The following NAB2 variants were observed in gnomAD, a reference collection of about 807,000 sequenced individuals.
NAB2 encodes the protein NGFI-A-binding protein 2.
Under a neutral mutation model 44.2 loss-of-function variants are expected in NAB2, and 9 were observed. That is an observed-to-expected ratio of 0.20 (90% CI 0.12 to 0.36). The LOEUF (loss-of-function observed/expected upper bound fraction) is 0.36, where lower values mean the gene tolerates loss of function less well. NAB2 is among the 10% of genes least tolerant of loss of function. NAB2 has a pLI of 1.00. For synonymous variants in NAB2, 342 were observed against 291.0 expected (o/e 1.18, Z -1.78); for missense variants, 514 against 709.0 (o/e 0.73, Z 3.12).
chr12:57,090,070 G>A (rs1369596696), intron 1 of NAB2, among the ~76,000 whole-genome samples: 1 of 152,236 alleles, frequency 6.6e-6, no homozygotes. Context: ...CTGAGCTGAA[G>A]GAAAAGGCTG....
At chr12:57,094,578 C>T (rs1029175198) in intron 6 of NAB2, 34 bp from the exon 7 acceptor site, 3 of 1,498,818 alleles carry the variant, frequency 2.0e-6, no homozygotes, top group African/African-American at 1.4e-5. Context: ...GCCAGTCACC[C>T]TGCAGTCTCC....
In NAB2 at chr12:57,091,081, G is replaced by A; in HGVS notation, c.84-44G>A. 1.4e-6 allele frequency: 2 copies of A among 1,461,258 alleles called. No homozygotes were observed. Among genetic ancestry groups the A allele is most frequent in the Non-Finnish European group, 9.2e-7 (1 of 1,090,556 alleles). The allele number at this position is 1,461,258 out of a possible 1,614,324, so 90.5% of individuals were successfully genotyped here. ...TTAGTGTGGGTTGGTACCCAGTAGG[G>A]GGACTTGCACCGACTGCCTCTCTCT... On this transcript the variant is annotated intron_variant, in intron 1 of 6. Coordinates refer to ENST00000300131, the MANE Select transcript of NAB2 (RefSeq NM_005967.4). The surrounding 1 kb of genome is among the most constrained non-coding windows in gnomAD (Gnocchi z 7.3).
intron 2 of NAB2, 86 bp downstream of exon 2, chr12:57,092,084 ATCTT>A: frequency 6.7e-7 from 1 of 1,500,168 alleles, no homozygotes; most frequent in Non-Finnish European, 8.9e-7. Context: ...GTCTCCGACT[ATCTT>A]TCATTATCTC....
At position 57,089,638 on chromosome 12, in the gene NAB2, C is replaced by G. The variant is rs1043163749; in HGVS notation, c.83+284C>G. On this transcript the variant is annotated intron_variant, in intron 1 of 6. Coordinates refer to ENST00000300131, the MANE Select transcript of NAB2 (RefSeq NM_005967.4). Reference sequence around the variant, plus strand: ...CCCCCTGCAAAGAATGTGGGAGCCTCCAAGCACCAGGGGATGCCCTGGAGC... The same window carrying G: ...CCCCCTGCAAAGAATGTGGGAGCCTGCAAGCACCAGGGGATGCCCTGGAGC... 1.3e-4 allele frequency among the ~76,000 whole-genome samples: 20 copies of G among 152,180 alleles called. No individual in the cohort carries two copies. The South Asian group carries it at 1.5e-3, about 11-fold the overall frequency.
Position 57,089,135 on chromosome 12 carries a change from G to A in NAB2, c.-137G>A, listed in dbSNP as rs2033111999. The A allele has an allele frequency of 1.1e-6, 1 of 914,786 alleles. No homozygotes were observed. Among genetic ancestry groups the A allele is most frequent in the Non-Finnish European group, 1.7e-6 (1 of 603,022 alleles). 56.7% of individuals were successfully genotyped at this position (914,786 alleles called of 1,614,324 possible). A position where few individuals can be genotyped will look rare whatever the true frequency, so the allele number is the denominator to read the frequency against. On this transcript the variant is annotated 5_prime_UTR_variant, in exon 1 of 7. Coordinates refer to ENST00000300131, the MANE Select transcript of NAB2 (RefSeq NM_005967.4). ...GCACAGACAGAGGCGCGGAGGCTCG[G>A]AGAGAGAAGACGTGGAGGGAGGGAC... is the stretch of plus-strand genomic sequence containing the variant.
chr12:57,089,771 G>C (rs1201908670), intron 1 of NAB2, among the ~76,000 whole-genome samples: 1 of 151,956 alleles, frequency 6.6e-6, no homozygotes, highest in Non-Finnish European at 1.5e-5. Flanking sequence ...GAGCATCAGC[G>C]GGGGAAAGGG....
At chr12:57,094,016 G>C (rs1407268823) in intron 6 of NAB2, among the ~76,000 whole-genome samples, 1 of 152,004 alleles carries the variant, frequency 6.6e-6, no homozygotes, top group Admixed American at 6.6e-5. Flanking sequence ...GTGGAAGGGG[G>C]AAGAGGGAGT....
chr12:57,094,251 C>T (rs1224771999), intron 6 of NAB2, among the ~76,000 whole-genome samples: 2 of 63,382 alleles, frequency 3.2e-5, no homozygotes, highest in African/African-American at 1.4e-4. Context: ...TGGGAGGGGC[C>T]TGGGAGGGGG....
At chr12:57,092,683 C>T in intron 3 of NAB2, 102 bp downstream of exon 3, 1 of 1,460,690 alleles carries the variant, frequency 6.8e-7, no homozygotes, top group Non-Finnish European at 9.3e-7. Context: ...GCTTCCCGCC[C>T]ACCTGGATGT....
Position 57,091,330 on chromosome 12 carries a change from C to T in NAB2, c.289C>T (p.Arg97Trp). The T allele has an allele frequency of 6.2e-7, 1 of 1,613,330 alleles. No homozygotes were observed. The highest frequency in any genetic ancestry group is 8.5e-7 in the Non-Finnish European group (1 of 1,179,316). Residue 97 changes from arginine to tryptophan, a missense_variant, in exon 2 of 7, where the codon CGG becomes TGG. Transcript: ENST00000300131. This position sits in a 1 kb window ranked among gnomAD's most constrained non-coding sequence, Gnocchi z 7.3. ...CATGGCCACCAAGCCCCTCCATGTC[C>T]GGCGCCTGCAGAAGGCACTGAGAGA... ...VGMATKPLHV[R>W]RLQKALREWA...
Position 57,094,798 on chromosome 12 carries a change from A to G in NAB2, c.*77A>G. On this transcript the variant is annotated 3_prime_UTR_variant, in exon 7 of 7. Transcript: ENST00000300131. Reference sequence around the variant, plus strand: ...GACCCCCACGCTCTCCATCCCCGGAATCTAGTCACAACCCTGGATCCTTCC... The same window carrying G: ...GACCCCCACGCTCTCCATCCCCGGAGTCTAGTCACAACCCTGGATCCTTCC... The G allele has an allele frequency of 8.3e-7, 1 of 1,210,412 alleles. No homozygotes were observed. The highest frequency in any genetic ancestry group is 1.2e-6 in the Non-Finnish European group (1 of 864,638). The allele number at this position is 1,210,412 out of a possible 1,614,324, so 75.0% of individuals were successfully genotyped here.
intron 1 of NAB2, among the ~76,000 whole-genome samples, 168 bp from the exon 2 acceptor site, chr12:57,090,957 G>A (rs1407732306): frequency 6.6e-6 from 1 of 152,226 alleles, no homozygotes; most frequent in Non-Finnish European, 1.5e-5. Context: ...TCTGAGCAGT[G>A]CCTGATTCTG....
chr12:57,090,908 C>A (rs770789792), intron 1 of NAB2, among the ~76,000 whole-genome samples: 3 of 152,202 alleles, frequency 2.0e-5, no homozygotes, highest in Non-Finnish European at 2.9e-5. Context: ...ACTTTTGGGG[C>A]TTCGGGCCAG....
rs1480786283 is a variant in NAB2 at position 57,094,674 on chromosome 12, G to A, written c.1531G>A (p.Gly511Ser). 2 of 1,555,468 alleles carry A rather than the reference G, an allele frequency of 1.3e-6. No individual in the cohort carries two copies. The highest frequency in any genetic ancestry group is 1.4e-5 in the African/African-American group (1 of 73,326). ...APGPHPALVEGRRSSVKVEAE... is the reference protein window; with the variant it reads ...APGPHPALVESRRSSVKVEAE... ...AGGACCCCATCCCGCGCTGGTGGAG[G>A]GTCGCAGGAGCAGCGTGAAAGTGGA... Residue 511 changes from glycine (G) to serine (S), a missense_variant, in exon 7 of 7, where the codon GGT becomes AGT. Physicochemically the swap from Gly to Ser is moderately conservative, Grantham distance 56. Around this residue, in one of 5 missense-constraint regions of NAB2, gnomAD observed 194 missense variants for 223.9 expected, o/e 0.87. Coordinates refer to ENST00000300131, the MANE Select transcript of NAB2 (RefSeq NM_005967.4).
At chr12:57,089,817 C>G (rs1355342423) in intron 1 of NAB2, among the ~76,000 whole-genome samples, 1 of 152,146 alleles carries the variant, frequency 6.6e-6, no homozygotes, top group Admixed American at 6.5e-5. Context: ...CTTAGGCGTT[C>G]CTTCCCATAT....
chr12:57,091,845 A>T lies in NAB2; in HGVS notation c.804A>T (p.Leu268=). Reference sequence around the variant, plus strand: ...ATGCTGGGGAGGTCACATCCCTGCTAAAGCTGAATAAGAAGCTGGCACGGA... The same window carrying T: ...ATGCTGGGGAGGTCACATCCCTGCTTAAGCTGAATAAGAAGCTGGCACGGA... ...RGDAGEVTSL[L]KLNKKLARSV... The change falls in exon 2 of 7, where the codon CTA becomes CTT. Residue 268 remains leucine (L), a synonymous_variant. Coordinates refer to ENST00000300131, the MANE Select transcript of NAB2 (RefSeq NM_005967.4). The surrounding 1 kb of genome is among the most constrained non-coding windows in gnomAD (Gnocchi z 7.3). The T allele has an allele frequency of 6.2e-7, 1 of 1,614,212 alleles. No individual in the cohort carries two copies. Among genetic ancestry groups the T allele is most frequent in the Non-Finnish European group, 8.5e-7 (1 of 1,180,012 alleles).
chr12:57,093,102 C>T lies in NAB2; in HGVS notation c.1183C>T (p.Pro395Ser), dbSNP rs772658646. The change falls in exon 5 of 7, where the codon CCA (proline) becomes TCA (serine). Residue 395 changes from proline (P) to serine (S), a missense_variant. Physicochemically the swap from Pro to Ser is moderately conservative, Grantham distance 74. Around this residue, in one of 5 missense-constraint regions of NAB2, gnomAD observed 194 missense variants for 223.9 expected, o/e 0.87. Coordinates refer to ENST00000300131, the MANE Select transcript of NAB2 (RefSeq NM_005967.4). Reference sequence around the variant, plus strand: ...TCACCCTGAAATCCAGCAGCCTCCCCCAGGCCCTGAGTCCTATGTACCCCC... The same window carrying T: ...TCACCCTGAAATCCAGCAGCCTCCCTCAGGCCCTGAGTCCTATGTACCCCC... Reference protein sequence around the residue: ...QSHPEIQQPPPGPESYVPPYR... With the variant: ...QSHPEIQQPPSGPESYVPPYR... 9.9e-6 allele frequency: 16 copies of T among 1,612,790 alleles called. No homozygotes were observed. The highest frequency in any genetic ancestry group is 1.3e-5 in the Non-Finnish European group (15 of 1,179,282).
intron 6 of NAB2, 105 bp downstream of exon 6, chr12:57,093,703 CAGAG>C: frequency 8.2e-7 from 1 of 1,216,952 alleles, no homozygotes; most frequent in Non-Finnish European, 1.1e-6. Context: ...ATATAGTCGT[CAGAG>C]AGGGCAGTAG....
At position 57,091,987 on chromosome 12, in the gene NAB2, A is replaced by G. The variant is rs749165097; in HGVS notation, c.946A>G (p.Ser316Gly). ...TAAGCGGCGGGAGGGCAAGCAGCTC[A>G]GCCTGCACGAGGTGAGAACCCCCAG... ...DSKRREGKQL[S>G]LHELTINEAA... The change falls in exon 2 of 7, where the codon AGC becomes GGC. Residue 316 changes from serine to glycine, a missense_variant. Physicochemically the swap from Ser to Gly is moderately conservative, Grantham distance 56. This residue lies in a region of NAB2 where 53 missense variants were observed against 108.5 expected (regional missense o/e 0.49). Transcript: ENST00000300131. The surrounding 1 kb of genome is among the most constrained non-coding windows in gnomAD (Gnocchi z 7.3). 1 of 1,606,712 alleles carries G rather than the reference A, an allele frequency of 6.2e-7. No homozygotes were observed. The highest frequency in any genetic ancestry group is 1.1e-5 in the South Asian group (1 of 90,212).
Sources: allele counts gnomAD v4.1 joint callset (sites outside exome capture counted in the v4.1 genomes callset), GRCh38; gene constraint gnomAD v4.1.1; regional missense constraint gnomAD v4.1.1; non-coding constraint Gnocchi (gnomAD v3.1); transcripts MANE v1.5; gene names NCBI Gene and HGNC (gene_info 2026-07-23, HGNC 2026-07-21).